The following EPG5 variants were observed in gnomAD, a reference collection of about 807,000 sequenced individuals.
EPG5 encodes the protein ectopic P granules protein 5 homolog.
A neutral mutation model predicts 302.7 loss-of-function variants in EPG5; 159 were observed. The ratio of observed to expected loss-of-function variants is 0.53; its 90% CI spans 0.46 to 0.60. The LOEUF (loss-of-function observed/expected upper bound fraction) is 0.60. Ranked by LOEUF, EPG5 falls within the 20% of genes least tolerant of loss-of-function variation. The probability of loss-of-function intolerance (pLI) is 0.00; values close to 1 mark genes in which losing one functional copy is unlikely to be tolerated. For synonymous variants in EPG5, 1,158 were observed against 1,136.8 expected (o/e 1.02, Z -0.37); for missense variants, 2,896 against 3,092.4 (o/e 0.94, Z 1.51).
chr18:45,948,468 T>C, intron 6 of EPG5, 35 bp downstream of exon 6: 1 of 1,540,770 alleles, frequency 6.5e-7, no homozygotes, highest in Non-Finnish European at 9.0e-7. Context: ...AAGAAGCATT[T>C]CAATCTCTAC....
chr18:45,882,407 T>A lies in EPG5; in HGVS notation c.5385A>T (p.Ala1795=), dbSNP rs376809635. 113 of 1,614,194 alleles carry A rather than the reference T, an allele frequency of 7.0e-5. No individual in the cohort carries two copies. Among genetic ancestry groups the A allele is most frequent in the Non-Finnish European group, 9.5e-5 (112 of 1,180,038 alleles). Residue 1795 remains alanine (A), a synonymous_variant, in exon 31 of 44, where the codon GCA becomes GCT. Transcript: ENST00000282041. ...CTGGTTCAAGGCCCCAGGCAGTAAG[T>A]GCCAAGTGAATGGACTCCAGAAGCC... ...RTRLLESIHL[A]LTAWGLEPDE...
chr18:45,927,799 G>C (rs1021698021), intron 13 of EPG5, among the ~76,000 whole-genome samples: 4 of 152,062 alleles, frequency 2.6e-5, no homozygotes, highest in Non-Finnish European at 5.9e-5. Context: ...CAAAAATCTA[G>C]AGACAGACAT....
the EPG5 span, among the ~76,000 whole-genome samples, chr18:45,803,163 A>G: frequency 6.6e-6 from 1 of 152,200 alleles, no homozygotes; most frequent in Non-Finnish European, 1.5e-5. Flanking sequence ...CATTTGAGAC[A>G]TTTCTCAGAG....
the EPG5 span, chr18:45,842,029 C>T: frequency 6.8e-6 from 9 of 1,324,936 alleles, no homozygotes; most frequent in African/African-American, 1.3e-4. Context: ...CTTCTTGGCC[C>T]ACTGCTGGCA....
At position 45,849,697 on chromosome 18, in the gene EPG5, A is replaced by C. The variant is rs1021921116; in HGVS notation, c.*2770T>G. On this transcript the variant is annotated 3_prime_UTR_variant, in exon 44 of 44. Transcript: ENST00000282041. ...GACTAGGCTTTCCCCAACCTCAAAG[A>C]AGTGAGAGACGCAGGCACACAACCC... 1 of 152,148 alleles carries C rather than the reference A, an allele frequency of 6.6e-6. No individual in the cohort carries two copies. The highest frequency in any genetic ancestry group is 2.4e-5 in the African/African-American group (1 of 41,406). 9.4% of individuals were successfully genotyped at this position (152,148 alleles called of 1,614,324 possible). A position where few individuals can be genotyped will look rare whatever the true frequency, so the allele number is the denominator to read the frequency against.
chr18:45,854,815 C>G (rs1314898703), intron 43 of EPG5, among the ~76,000 whole-genome samples: 1 of 152,208 alleles, frequency 6.6e-6, no homozygotes, highest in African/African-American at 2.4e-5. Context: ...GAGATATGAT[C>G]ACACCATTGC....
intron 3 of EPG5, 62 bp from the exon 4 acceptor site, chr18:45,951,300 G>A: frequency 8.1e-7 from 1 of 1,238,136 alleles, no homozygotes; most frequent in Non-Finnish European, 1.1e-6. Flanking sequence ...AATTTTTAGT[G>A]TCTTCACTTA....
chr18:45,811,493 T>G, the EPG5 span, among the ~76,000 whole-genome samples: 1 of 152,148 alleles, frequency 6.6e-6, no homozygotes, highest in Non-Finnish European at 1.5e-5. Context: ...ATATCCCTGA[T>G]GAACATTGAT....
intron 39 of EPG5, among the ~76,000 whole-genome samples, chr18:45,863,191 T>C (rs913186243): frequency 2.0e-5 from 3 of 152,256 alleles, no homozygotes; most frequent in Non-Finnish European, 4.4e-5. Context: ...AGGCTTTTGA[T>C]GTATTTCTTA....
Position 45,954,528 on chromosome 18 carries a change from C to CAT in EPG5, c.872_873dup (p.Glu292MetfsTer5). The CAT allele has an allele frequency of 6.2e-7, 1 of 1,614,258 alleles. No individual in the cohort carries two copies. The highest frequency in any genetic ancestry group is 8.5e-7 in the Non-Finnish European group (1 of 1,180,050). ...CATCGTGAGTAGTTCAAAAGCAACTCATAAAATTCATGCCTGTCTTGATGA... is the reference window on the plus strand; with the variant it reads ...CATCGTGAGTAGTTCAAAAGCAACTCATATAAAATTCATGCCTGTCTTGATGA... On this transcript the variant is annotated frameshift_variant, in exon 2 of 44. Coordinates refer to ENST00000282041, the MANE Select transcript of EPG5 (RefSeq NM_020964.3). LOFTEE classifies it high-confidence loss of function.
At chr18:45,839,258 A>G in the EPG5 span, among the ~76,000 whole-genome samples, 1 of 152,178 alleles carries the variant, frequency 6.6e-6, no homozygotes, top group Non-Finnish European at 1.5e-5. Context: ...AGCAGGTGTA[A>G]CCAGCACGAA....
chr18:45,953,597 C>T (rs2050958583), intron 2 of EPG5: 3 of 985,340 alleles, frequency 3.0e-6, no homozygotes, highest in Non-Finnish European at 3.6e-6. Flanking sequence ...TATGAAATGG[C>T]TTATGATCAC....
At chr18:45,812,769 C>A in the EPG5 span, among the ~76,000 whole-genome samples, 1 of 152,138 alleles carries the variant, frequency 6.6e-6, no homozygotes, top group Non-Finnish European at 1.5e-5. Context: ...AAAATTAATT[C>A]AAGATGGATT....
intron 2 of EPG5, chr18:45,953,807 T>C (rs771093895): frequency 4.1e-6 from 4 of 985,304 alleles, no homozygotes; most frequent in Non-Finnish European, 4.8e-6. Flanking sequence ...TTCAGATTCC[T>C]CATCCCCACT....
rs1238053321 is a variant in EPG5 at position 45,876,321 on chromosome 18, G to A, written c.5964C>T (p.Pro1988=). 6.2e-7 allele frequency: 1 copy of A among 1,613,852 alleles called. No individual in the cohort carries two copies. Among genetic ancestry groups the A allele is most frequent in the Non-Finnish European group, 8.5e-7 (1 of 1,179,878 alleles). ...CCACCACAGTATCACTCTCTAGCCA[G>A]GGGTAATGCCGCTGTTGGCTGCTTT... ...DNESSQQRHY[P]WLESDTVVAS... Residue 1988 remains proline, a synonymous_variant, in exon 35 of 44, where the codon CCC becomes CCT. Coordinates refer to ENST00000282041, the MANE Select transcript of EPG5 (RefSeq NM_020964.3).
intron 22 of EPG5, among the ~76,000 whole-genome samples, chr18:45,911,832 G>A (rs535486025): frequency 1.3e-5 from 2 of 152,314 alleles, no homozygotes; most frequent in Admixed American, 1.3e-4. Context: ...GCTCTGGCTG[G>A]GTGGAGTATC....
Position 45,889,794 on chromosome 18 carries a change from T to C in EPG5, c.4952+4A>G. The C allele has an allele frequency of 1.3e-6, 2 of 1,598,816 alleles. No individual in the cohort carries two copies. The highest frequency in any genetic ancestry group is 2.3e-5 in the South Asian group (2 of 88,820). ...TTTCAAATTATAATGCCTGCAAAACTTACGTGATCAAGTTTTCTGCATGTA... is the reference window on the plus strand; with the variant it reads ...TTTCAAATTATAATGCCTGCAAAACCTACGTGATCAAGTTTTCTGCATGTA... On this transcript the variant is annotated splice_donor_region_variant and intron_variant, in intron 28 of 43. Transcript: ENST00000282041.
the EPG5 span, among the ~76,000 whole-genome samples, chr18:45,818,376 C>T: frequency 6.6e-6 from 1 of 151,918 alleles, no homozygotes; most frequent in African/African-American, 2.4e-5. Flanking sequence ...AGGGGATACA[C>T]ACATTTGCAA....
At chr18:45,823,654 T>C in the EPG5 span, among the ~76,000 whole-genome samples, 1 of 152,230 alleles carries the variant, frequency 6.6e-6, no homozygotes, top group East Asian at 1.9e-4. Context: ...TTCATCTAAT[T>C]GATTTATCTA....
Sources: gnomAD v4.1 joint callset for allele counts (sites outside exome capture counted in the v4.1 genomes callset) on GRCh38, gnomAD v4.1.1 for gene constraint, MANE v1.5 for transcripts, NCBI Gene and HGNC (gene_info 2026-07-23, HGNC 2026-07-21) for gene names.